Variants in AQR observed in about 807,000 individuals in gnomAD.
The protein encoded by AQR is aquarius intron-binding spliceosomal factor, also known as RNA helicase aquarius.
A neutral mutation model predicts 180.5 loss-of-function variants in AQR; 61 were observed. That is an observed-to-expected ratio of 0.34 (90% CI 0.28 to 0.42). The LOEUF is 0.42. AQR is among the 10% of genes least tolerant of loss of function. The pLI is 1.00. For missense variants in AQR, 1,281 were observed against 1,798.3 expected, an observed-to-expected ratio of 0.71 and a Z score of 5.20; for synonymous variants, 551 against 588.8, an observed-to-expected ratio of 0.94 and a Z score of 0.93.
In AQR at chr15:34,890,296, A is replaced by G; in HGVS notation, c.2600T>C (p.Met867Thr). ...QALNQLFEKI[M>T]ALDIDERHLL... The stretch of plus-strand genomic sequence containing the variant: ...GTGGCGCTCATCAATGTCTAATGCC[A>G]TGATTTTCTCAAACAACTGGTTTAG... The change falls in exon 24 of 35, where the codon ATG becomes ACG. Residue 867 changes from methionine (M) to threonine (T), a missense_variant. Coordinates refer to ENST00000156471, the MANE Select transcript of AQR (RefSeq NM_014691.3). 1 of 1,613,712 alleles carries G rather than the reference A, an allele frequency of 6.2e-7. No homozygotes were observed. Among genetic ancestry groups the G allele is most frequent in the Non-Finnish European group, 8.5e-7 (1 of 1,179,838 alleles).
At chr15:34,916,023 T>C (rs1179755833) in intron 15 of AQR, among the ~76,000 whole-genome samples, 1 of 152,110 alleles carries the variant, frequency 6.6e-6, no homozygotes, top group South Asian at 2.1e-4. Flanking sequence ...ATATGAGTGA[T>C]CTGTATGTAA....
At chr15:34,930,740 G>A (rs1432436383) in intron 11 of AQR, among the ~76,000 whole-genome samples, 2 of 150,328 alleles carry the variant, frequency 1.3e-5, no homozygotes, top group African/African-American at 4.9e-5. Context: ...CAAAGCTATA[G>A]CACCAGAGGG....
intron 16 of AQR, among the ~76,000 whole-genome samples, chr15:34,910,651 A>G (rs1468423735): frequency 6.6e-6 from 1 of 152,214 alleles, no homozygotes. Flanking sequence ...TCAAAGAAAT[A>G]AATAATCCAG....
At chr15:34,865,522 C>G (rs1258694233) in intron 32 of AQR, among the ~76,000 whole-genome samples, 1 of 152,156 alleles carries the variant, frequency 6.6e-6, no homozygotes, top group Non-Finnish European at 1.5e-5. Flanking sequence ...ATGCTAAATA[C>G]AGAGTTACCA....
intron 19 of AQR, among the ~76,000 whole-genome samples, chr15:34,903,264 A>T (rs559760441): frequency 6.6e-6 from 1 of 152,212 alleles, no homozygotes; most frequent in East Asian, 1.9e-4. Flanking sequence ...AGGACACCAG[A>T]AGACAGATAA....
At chr15:34,878,299 G>A (rs1489888119) in intron 27 of AQR, among the ~76,000 whole-genome samples, 1 of 145,616 alleles carries the variant, frequency 6.9e-6, no homozygotes, top group Non-Finnish European at 1.5e-5. Context: ...GGCACTAGAA[G>A]TGTTTGAACC....
intron 31 of AQR, chr15:34,870,255 A>G (rs1310232590): frequency 6.6e-6 from 1 of 152,078 alleles, no homozygotes; most frequent in Non-Finnish European, 1.5e-5. Flanking sequence ...TATTATCTTT[A>G]TGTTTTTTCT....
chr15:34,881,322 A>G (rs1389005751), intron 27 of AQR, among the ~76,000 whole-genome samples: 1 of 152,214 alleles, frequency 6.6e-6, no homozygotes, highest in Non-Finnish European at 1.5e-5. Flanking sequence ...TGCATCCAAG[A>G]TAACAATTTC....
At chr15:34,931,617 G>A (rs1445595388) in intron 11 of AQR, among the ~76,000 whole-genome samples, 1 of 152,120 alleles carries the variant, frequency 6.6e-6, no homozygotes, top group African/African-American at 2.4e-5. Context: ...AGGCCACCTG[G>A]GCAACATGGT....
Position 34,895,159 on chromosome 15 carries a change from C to CAAAAAAAAAAAAAAAAAA in AQR, c.2461-1404_2461-1387dup. Among the ~76,000 whole-genome samples, 3 of 2,456 alleles carry CAAAAAAAAAAAAAAAAAA rather than the reference C, an allele frequency of 1.2e-3. 1 individual carries two copies. Among genetic ancestry groups the CAAAAAAAAAAAAAAAAAA allele is most frequent in the Non-Finnish European group, 2.7e-3 (2 of 732 alleles). The allele number at this position is 2,456 out of a possible 152,430, so 1.6% of individuals were successfully genotyped here. On this transcript the variant is annotated intron_variant, in intron 22 of 34. Coordinates refer to ENST00000156471, the MANE Select transcript of AQR (RefSeq NM_014691.3). ...CCTGGGCTAAAAAGTAAGACTGTCTCAAAAAAAAAAAAAAAAAAAAAAAAA... is the reference window on the plus strand; with the variant it reads ...CCTGGGCTAAAAAGTAAGACTGTCTCAAAAAAAAAAAAAAAAAAAAAAAAAAAAAAAAAAAAAAAAAAA...
At position 34,859,172 on chromosome 15, in the gene AQR, T is replaced by G. The variant is rs151328358; in HGVS notation, c.4143+870A>C. Among the ~76,000 whole-genome samples the G allele has an allele frequency of 1.5e-3, 234 of 152,236 alleles. 3 individuals carry two copies. The highest frequency in any genetic ancestry group is 0.01 in the Middle Eastern group (3 of 294). On this transcript the variant is annotated intron_variant, in intron 34 of 34. Coordinates refer to ENST00000156471, the MANE Select transcript of AQR (RefSeq NM_014691.3). The stretch of plus-strand genomic sequence containing the variant: ...GTAAAATACATATCAGATAAAGGAC[T>G]TGTAGCCAGAATAAATAAAAACCTC...
intron 34 of AQR, 76 bp downstream of exon 34, chr15:34,859,966 C>G: frequency 1.5e-6 from 1 of 662,308 alleles, no homozygotes; most frequent in Non-Finnish European, 2.3e-6. Context: ...GAATTAGGTA[C>G]TTTAAAGATT....
At chr15:34,895,573 G>A (rs1893231647) in intron 22 of AQR, among the ~76,000 whole-genome samples, 1 of 151,942 alleles carries the variant, frequency 6.6e-6, no homozygotes, top group Non-Finnish European at 1.5e-5. Flanking sequence ...AGACAAAGTA[G>A]ACTTCAGAGC....
chr15:34,918,743 T>G (rs549391043), intron 14 of AQR, among the ~76,000 whole-genome samples: 2 of 152,266 alleles, frequency 1.3e-5, no homozygotes, highest in Non-Finnish European at 2.9e-5. Context: ...TGCCAAGGGT[T>G]TAAAAACCAT....
intron 24 of AQR, among the ~76,000 whole-genome samples, chr15:34,889,134 A>G (rs889748957): frequency 6.6e-6 from 1 of 152,224 alleles, no homozygotes; most frequent in African/African-American, 2.4e-5. Context: ...ATTAGATTTT[A>G]GAGTCTAACC....
intron 2 of AQR, among the ~76,000 whole-genome samples, chr15:34,963,429 A>G (rs1282766657): frequency 1.3e-5 from 2 of 152,144 alleles, no homozygotes; most frequent in Non-Finnish European, 2.9e-5. Flanking sequence ...AAGTTATTAC[A>G]CTATACAACT....
At chr15:34,866,273 T>C (rs147180288) in intron 32 of AQR, among the ~76,000 whole-genome samples, 2 of 152,108 alleles carry the variant, frequency 1.3e-5, no homozygotes, top group African/African-American at 4.8e-5. Flanking sequence ...TGAACTGACA[T>C]ATCCCTTCTA....
At chr15:34,882,465 T>TTAAA in intron 27 of AQR, 37 bp downstream of exon 27, 1 of 1,199,556 alleles carries the variant, frequency 8.3e-7, no homozygotes, top group Non-Finnish European at 1.1e-6. Flanking sequence ...CTGATAATCT[T>TTAAA]AAAAAAAAAA....
intron 4 of AQR, among the ~76,000 whole-genome samples, chr15:34,950,422 T>C (rs1304890756): frequency 6.6e-6 from 1 of 152,182 alleles, no homozygotes; most frequent in East Asian, 1.9e-4. Flanking sequence ...CTCTCAGATC[T>C]ATTTTCTAGT....
Sources: gnomAD v4.1 joint callset for allele counts (sites outside exome capture counted in the v4.1 genomes callset) on GRCh38, gnomAD v4.1.1 for gene constraint, MANE v1.5 for transcripts, NCBI Gene and HGNC (gene_info 2026-07-23, HGNC 2026-07-21) for gene names.